The following PANK4 variants were observed in gnomAD, a reference collection of about 807,000 sequenced individuals.
PANK4 encodes the protein pantothenate kinase 4 (inactive).
In PANK4, 40 loss-of-function variants were observed where a neutral mutation model predicts 87.9. The observed-to-expected ratio is 0.46, with a 90% CI of 0.35 to 0.59. The LOEUF (loss-of-function observed/expected upper bound fraction) is 0.59. Among genes scored for constraint, PANK4 ranks in the 20% least tolerant of loss-of-function variants. The pLI, the probability that PANK4 is intolerant of heterozygous loss-of-function variation, is 0.00. For synonymous variants in PANK4, 524 were observed against 467.4 expected (o/e 1.12, Z -1.56); for missense variants, 926 against 1,072.3 (o/e 0.86, Z 1.90).
At chr1:2,512,274 G>A (rs577247746) in intron 13 of PANK4, 1 of 155,252 alleles carries the variant, frequency 6.4e-6, no homozygotes, top group Non-Finnish European at 1.4e-5. Flanking sequence ...TCTATGTCTC[G>A]AGACACGAGT....
Position 2,519,828 on chromosome 1 carries a change from A to G in PANK4, c.826T>C (p.Phe276Leu), listed in dbSNP as rs781720444. The G allele has an allele frequency of 4.4e-6, 7 of 1,580,236 alleles. No homozygotes were observed. The South Asian group carries it at 8.1e-5, about 18-fold the overall frequency. Reference protein sequence around the residue: ...GLSGNLIASSFGKSATADQEF... With the variant: ...GLSGNLIASSLGKSATADQEF... ...TGGTCGGCGGTGGCCGACTTCCCGA[A>G]GCTGCTGGCGATGAGGTTCCCGCTC... Residue 276 changes from phenylalanine (F) to leucine (L), a missense_variant, in exon 6 of 19, where the codon TTC (phenylalanine) becomes CTC (leucine). Coordinates refer to ENST00000378466, the MANE Select transcript of PANK4 (RefSeq NM_018216.4). The surrounding 1 kb of genome is among the most constrained non-coding windows in gnomAD (Gnocchi z 8.3).
intron 10 of PANK4, 64 bp from the exon 11 acceptor site, chr1:2,514,530 G>T: frequency 1.1e-6 from 1 of 908,126 alleles, no homozygotes; most frequent in Non-Finnish European, 1.6e-6. Flanking sequence ...ATCCCCACGT[G>T]ACAGCAGGGG....
At chr1:2,525,208 G>A (rs972907366) in intron 1 of PANK4, among the ~76,000 whole-genome samples, 4 of 152,120 alleles carry the variant, frequency 2.6e-5, no homozygotes, top group African/African-American at 9.7e-5. Flanking sequence ...GATGCACCAG[G>A]AGCACACAGC....
chr1:2,511,828 CAG>C (rs1643667314), intron 13 of PANK4, 145 bp from the exon 14 acceptor site: 3 of 656,344 alleles, frequency 4.6e-6, no homozygotes, highest in Non-Finnish European at 8.3e-6. Flanking sequence ...CCAGGTGGGA[CAG>C]GGGCAGCTGC....
chr1:2,523,627 C>T (rs1282281312), intron 1 of PANK4, among the ~76,000 whole-genome samples: 3 of 152,194 alleles, frequency 2.0e-5, no homozygotes, highest in Admixed American at 6.5e-5. Context: ...ACGCATCCTC[C>T]CTCCCTGAGA....
At chr1:2,511,871 C>T (rs1402036693) in intron 13 of PANK4, among the ~76,000 whole-genome samples, 188 bp from the exon 14 acceptor site, 1 of 151,684 alleles carries the variant, frequency 6.6e-6, no homozygotes, top group African/African-American at 2.4e-5. Context: ...CACTCCCAGG[C>T]AGGACAGAGG....
In PANK4 at chr1:2,514,505, C is replaced by T. The variant is rs759512387; in HGVS notation, c.1375-39G>A. On this transcript the variant is annotated intron_variant, in intron 10 of 18. Coordinates refer to ENST00000378466, the MANE Select transcript of PANK4 (RefSeq NM_018216.4). ...AAGGAGGGGGTTAGTCAAGCGCTGG[C>T]CCTGCTGCTTGCGAATCCCCACGTG... The T allele has an allele frequency of 1.5e-5, 22 of 1,488,188 alleles. 1 individual carries two copies. The South Asian group carries it at 2.1e-4, about 14-fold the overall frequency. 92.2% of individuals were successfully genotyped at this position (1,488,188 alleles called of 1,614,324 possible).
Position 2,520,348 on chromosome 1 carries a change from G to A in PANK4, c.673C>T (p.Leu225Phe). ...SSIGGGTFWG[L>F]GALLTKTKKF... ...TTCGTTTTGGTGAGCAGAGCGCCAA[G>A]CCCCCAGAAGGTGCCGCCTCCAATG... Residue 225 changes from leucine (L) to phenylalanine (F), a missense_variant, in exon 5 of 19, where the codon CTT (leucine) becomes TTT (phenylalanine). Physicochemically the swap from Leu to Phe is conservative, Grantham distance 22 (BLOSUM62 0). Coordinates refer to ENST00000378466, the MANE Select transcript of PANK4 (RefSeq NM_018216.4). This position sits in a 1 kb window ranked among gnomAD's most constrained non-coding sequence, Gnocchi z 6.2. 1.2e-6 allele frequency: 2 copies of A among 1,612,918 alleles called. No individual in the cohort carries two copies. The highest frequency in any genetic ancestry group is 1.7e-6 in the Non-Finnish European group (2 of 1,179,948).
intron 12 of PANK4, 77 bp downstream of exon 12, chr1:2,513,925 C>T (rs1473351859): frequency 1.4e-5 from 15 of 1,101,938 alleles, no homozygotes; most frequent in East Asian, 2.4e-5. Context: ...CCCGAGCCAG[C>T]GGGACAGAGA....
At chr1:2,517,213 C>T (rs1194775585) in intron 9 of PANK4, among the ~76,000 whole-genome samples, 1 of 152,218 alleles carries the variant, frequency 6.6e-6, no homozygotes, top group African/African-American at 2.4e-5. Context: ...CTAGTGCTGG[C>T]GGTGGGAAAG....
chr1:2,508,742 A>T lies in PANK4; in HGVS notation c.*105T>A. 2.8e-6 allele frequency: 2 copies of T among 715,718 alleles called. No homozygotes were observed. Among genetic ancestry groups the T allele is most frequent in the Non-Finnish European group, 4.9e-6 (2 of 411,584 alleles). The allele number at this position is 715,718 out of a possible 1,614,324, so 44.3% of individuals were successfully genotyped here. A position where few individuals can be genotyped will look rare whatever the true frequency, so the allele number is the denominator to read the frequency against. ...GCGGCTGGGGTGTATGTGCCGCGTC[A>T]CAGCAGTACCATATAAATACGTTGA... On this transcript the variant is annotated 3_prime_UTR_variant, in exon 19 of 19. Transcript: ENST00000378466. The surrounding 1 kb of genome is among the most constrained non-coding windows in gnomAD (Gnocchi z 5.1).
Position 2,511,198 on chromosome 1 carries a change from A to G in PANK4, c.1833+140T>C, listed in dbSNP as rs551333608. The G allele has an allele frequency of 7.3e-6, 5 of 682,444 alleles. No homozygotes were observed. The East Asian group carries it at 1.3e-4, about 17-fold the overall frequency. The allele number at this position is 682,444 out of a possible 1,614,324, so 42.3% of individuals were successfully genotyped here. ...CAAGTGTGGGGCAGGGGATGCTGAG[A>G]CCCTTGGCTCGCAGGATGGTGAGAC... is the stretch of plus-strand genomic sequence containing the variant. On this transcript the variant is annotated intron_variant, in intron 15 of 18. Coordinates refer to ENST00000378466, the MANE Select transcript of PANK4 (RefSeq NM_018216.4).
In PANK4 at chr1:2,510,177, G is replaced by C; in HGVS notation, c.1939-20C>G. On this transcript the variant is annotated intron_variant, in intron 16 of 18. Coordinates refer to ENST00000378466, the MANE Select transcript of PANK4 (RefSeq NM_018216.4). This position sits in a 1 kb window ranked among gnomAD's most constrained non-coding sequence, Gnocchi z 4.9. ...GATGACCTGCAGGAGGAGGGCCCAGGCTCTTTAGGAACCTGTGCTGGCCCA... is the reference window on the plus strand; with the variant it reads ...GATGACCTGCAGGAGGAGGGCCCAGCCTCTTTAGGAACCTGTGCTGGCCCA... 2 of 1,499,144 alleles carry C rather than the reference G, an allele frequency of 1.3e-6. No individual in the cohort carries two copies. The highest frequency in any genetic ancestry group is 1.8e-6 in the Non-Finnish European group (2 of 1,089,252). 92.9% of individuals were successfully genotyped at this position (1,499,144 alleles called of 1,614,324 possible). A position where few individuals can be genotyped will look rare whatever the true frequency, so the allele number is the denominator to read the frequency against.
intron 9 of PANK4, among the ~76,000 whole-genome samples, chr1:2,517,287 G>C (rs184640474): frequency 6.6e-5 from 10 of 152,326 alleles, no homozygotes; most frequent in Admixed American, 5.9e-4. Flanking sequence ...GTGAACTGCA[G>C]GACCCACACA....
At chr1:2,512,739 G>A (rs569139153) in intron 13 of PANK4, 149 bp downstream of exon 13, 6 of 741,948 alleles carry the variant, frequency 8.1e-6, no homozygotes, top group East Asian at 5.0e-5. Context: ...GCTGCCATGT[G>A]CACTCCCTGG....
At position 2,515,348 on chromosome 1, in the gene PANK4, C is replaced by T. The variant is rs113463932; in HGVS notation, c.1374+214G>A. 6.0e-5 allele frequency: 42 copies of T among 701,244 alleles called. No homozygotes were observed. The Middle Eastern group carries it at 6.8e-4, about 11-fold the overall frequency. The allele number at this position is 701,244 out of a possible 1,614,324, so 43.4% of individuals were successfully genotyped here. On this transcript the variant is annotated intron_variant, in intron 10 of 18. Coordinates refer to ENST00000378466, the MANE Select transcript of PANK4 (RefSeq NM_018216.4). This position sits in a 1 kb window ranked among gnomAD's most constrained non-coding sequence, Gnocchi z 5.0. ...AGCTGCCCTTAGAAGCAACGTGCCT[C>T]GCAGACGCCACGTCCTCACTGACCC... is the stretch of plus-strand genomic sequence containing the variant.
At position 2,520,716 on chromosome 1, in the gene PANK4, G is replaced by T. The variant is rs780067989; in HGVS notation, c.606+7C>A. On this transcript the variant is annotated splice_region_variant and intron_variant, in intron 4 of 18. Transcript: ENST00000378466. The surrounding 1 kb of genome is among the most constrained non-coding windows in gnomAD (Gnocchi z 6.2). The stretch of plus-strand genomic sequence containing the variant: ...TCCACTCATTCATTCATGAAGCCGG[G>T]TCTTACCTTCACGATGGAGACTCCA... 5.6e-6 allele frequency: 9 copies of T among 1,610,780 alleles called. No individual in the cohort carries two copies. Among genetic ancestry groups the T allele is most frequent in the African/African-American group, 4.0e-5 (3 of 74,738 alleles).
At chr1:2,518,330 G>A (rs1189862864) in intron 8 of PANK4, 66 bp from the exon 9 acceptor site, 5 of 1,153,896 alleles carry the variant, frequency 4.3e-6, no homozygotes, top group Admixed American at 1.9e-5. Context: ...GGAGAGTGGA[G>A]GAGGAAAGGG....
chr1:2,521,002 C>G (rs965490479), intron 3 of PANK4, 96 bp from the exon 4 acceptor site: 1 of 1,512,376 alleles, frequency 6.6e-7, no homozygotes, highest in South Asian at 1.2e-5. Context: ...ATGCCCCATG[C>G]GCAATCTGAC....
Sources: gnomAD v4.1 joint callset for allele counts (sites outside exome capture counted in the v4.1 genomes callset) on GRCh38, gnomAD v4.1.1 for gene constraint, Gnocchi (gnomAD v3.1) non-coding constraint, MANE v1.5 for transcripts, NCBI Gene and HGNC (gene_info 2026-07-23, HGNC 2026-07-21) for gene names.